Variants in DYNC2I1 observed in about 807,000 individuals in gnomAD.
DYNC2I1 encodes the protein dynein 2 intermediate chain 1, also known as cytoplasmic dynein 2 intermediate chain 1.
A neutral mutation model predicts 133.4 loss-of-function variants in DYNC2I1; 89 were observed. That is an observed-to-expected ratio of 0.67 (90% CI 0.56 to 0.80). The LOEUF is 0.80. DYNC2I1 is among the 30% of genes least tolerant of loss of function. DYNC2I1 has a pLI of 0.00. For synonymous variants in DYNC2I1, 504 were observed against 484.3 expected (o/e 1.04, Z -0.54); for missense variants, 1,291 against 1,314.5 (o/e 0.98, Z 0.28).
In DYNC2I1 at chr7:158,885,430, C is replaced by G. The variant is rs369398099; in HGVS notation, c.935+811C>G. On this transcript the variant is annotated intron_variant, in intron 6 of 24. Transcript: ENST00000407559. ...AATCTCGGCTCACTGCAACCTCCGC[C>G]TCCCAGGTTCAAGCTATTCTTCTGC... 7.6e-4 allele frequency among the ~76,000 whole-genome samples: 115 copies of G among 152,142 alleles called. 3 individuals are homozygous for G. In the South Asian group the frequency reaches 0.023, roughly 31 times the overall value.
chr7:158,877,648 T>G (rs1843491489), intron 4 of DYNC2I1, among the ~76,000 whole-genome samples: 1 of 152,174 alleles, frequency 6.6e-6, no homozygotes, highest in Non-Finnish European at 1.5e-5. Context: ...TAAAAGCAGG[T>G]TTACTGTCTT....
At chr7:158,889,893 C>G (rs1381555254) in intron 7 of DYNC2I1, among the ~76,000 whole-genome samples, 3 of 150,526 alleles carry the variant, frequency 2.0e-5, no homozygotes, top group Non-Finnish European at 2.9e-5. Context: ...TAATCCCAAG[C>G]TACTTGGGAG....
intron 1 of DYNC2I1, among the ~76,000 whole-genome samples, chr7:158,863,107 A>G (rs1014038345): frequency 1.9e-4 from 19 of 97,498 alleles, no homozygotes; most frequent in Non-Finnish European, 3.6e-4. Flanking sequence ...GCAGGTTGCC[A>G]CTGCTGGCTG....
chr7:158,914,259 G>A lies in DYNC2I1; in HGVS notation c.1729G>A (p.Ala577Thr). 6.2e-7 allele frequency: 1 copy of A among 1,612,648 alleles called. No homozygotes were observed. The highest frequency in any genetic ancestry group is 8.5e-7 in the Non-Finnish European group (1 of 1,179,312). The stretch of plus-strand genomic sequence containing the variant: ...CAGTGAACAAAGAGATACCTCTGAT[G>A]CTGTAGTTATGCCAAAGATTGATAC... ...GGSEQRDTSD[A>T]VVMPKIDTPR... Residue 577 changes from alanine to threonine, a missense_variant, in exon 14 of 25, where the codon GCT (alanine) becomes ACT (threonine). Ala to Thr is a moderately conservative substitution (Grantham distance 58, BLOSUM62 0). Transcript: ENST00000407559.
chr7:158,890,899 A>G (rs763573077), intron 7 of DYNC2I1, among the ~76,000 whole-genome samples: 1 of 152,120 alleles, frequency 6.6e-6, no homozygotes, highest in Non-Finnish European at 1.5e-5. Context: ...AAGTGCATAG[A>G]TCTTCCTAGT....
In DYNC2I1 at chr7:158,942,134, G is replaced by A; in HGVS notation, c.2988G>A (p.Gln996=). The A allele has an allele frequency of 1.3e-6, 2 of 1,553,722 alleles. No homozygotes were observed. Among genetic ancestry groups the A allele is most frequent in the Non-Finnish European group, 1.7e-6 (2 of 1,146,494 alleles). Residue 996 remains glutamine, a synonymous_variant, in exon 24 of 25, where the codon CAG becomes CAA. Coordinates refer to ENST00000407559, the MANE Select transcript of DYNC2I1 (RefSeq NM_018051.5). ...QSDLGPVAKQ[Q]VSPNRLVAMA... is the part of the protein sequence containing the mutation. Reference sequence around the variant, plus strand: ...ATCTGGGTCCTGTCGCCAAACAGCAGGTCTCCCCCAACAGGCAAGTGGGGA... The same window carrying A: ...ATCTGGGTCCTGTCGCCAAACAGCAAGTCTCCCCCAACAGGCAAGTGGGGA...
At chr7:158,909,838 G>A (rs921495312) in intron 11 of DYNC2I1, among the ~76,000 whole-genome samples, 2 of 152,208 alleles carry the variant, frequency 1.3e-5, no homozygotes, top group African/African-American at 4.8e-5. Flanking sequence ...GAAAATGGAA[G>A]TTGAGAGCCT....
At chr7:158,951,522 C>T (rs1015046293) in intron 4 of DYNC2I1, among the ~76,000 whole-genome samples, 7 of 152,190 alleles carry the variant, frequency 4.6e-5, no homozygotes, top group South Asian at 2.1e-4. Flanking sequence ...AGAGACTGGG[C>T]GTGTTCCTAC....
intron 11 of DYNC2I1, among the ~76,000 whole-genome samples, chr7:158,909,989 G>A (rs1847232175): frequency 6.6e-6 from 1 of 152,116 alleles, no homozygotes; most frequent in African/African-American, 2.4e-5. Flanking sequence ...CAGACCCGGT[G>A]GCCGAGGCAC....
intron 4 of DYNC2I1, among the ~76,000 whole-genome samples, chr7:158,952,950 C>A (rs1223712828): frequency 6.6e-6 from 1 of 152,232 alleles, no homozygotes. Flanking sequence ...CCAGAGCCCA[C>A]TGCCTCGGGC....
intron 5 of DYNC2I1, among the ~76,000 whole-genome samples, chr7:158,880,873 G>C (rs891287453): frequency 6.6e-6 from 1 of 152,092 alleles, no homozygotes; most frequent in African/African-American, 2.4e-5. Context: ...CCTATTTCTT[G>C]GTGATGCTTC....
downstream of DYNC2I1, among the ~76,000 whole-genome samples, chr7:158,947,749 C>T (rs1851932606): frequency 6.6e-6 from 1 of 152,218 alleles, no homozygotes; most frequent in Non-Finnish European, 1.5e-5. Flanking sequence ...TCATGCTCTG[C>T]CAGTGCCCAG....
At chr7:158,868,310 G>A (rs184657039) in intron 1 of DYNC2I1, among the ~76,000 whole-genome samples, 1 of 152,296 alleles carries the variant, frequency 6.6e-6, no homozygotes, top group East Asian at 1.9e-4. Context: ...GCACAGTGTG[G>A]ATTCTCTAAT....
the DYNC2I1 span, among the ~76,000 whole-genome samples, chr7:158,842,647 T>C: frequency 6.6e-6 from 1 of 152,254 alleles, no homozygotes; most frequent in Non-Finnish European, 1.5e-5. Context: ...TTTTCGCTCA[T>C]GTCAAGTGCT....
At position 158,923,628 on chromosome 7, in the gene DYNC2I1, C is replaced by T. The variant is rs763934400; in HGVS notation, c.2152C>T (p.His718Tyr). The change falls in exon 17 of 25, where the codon CAC becomes TAC. Residue 718 changes from histidine to tyrosine, a missense_variant. Coordinates refer to ENST00000407559, the MANE Select transcript of DYNC2I1 (RefSeq NM_018051.5). ...ATTTTTACTGTTTGCCGGAACAGCG[C>T]ACGGCTCAGTTGTCGTCTGGGATTT... is the stretch of plus-strand genomic sequence containing the variant. ...KAFLLFAGTA[H>Y]GSVVVWDLRE... 6.2e-6 allele frequency: 10 copies of T among 1,613,882 alleles called. No homozygotes were observed. The African/African-American group carries it at 9.3e-5, about 15-fold the overall frequency.
chr7:158,923,028 C>A (rs35585803), intron 16 of DYNC2I1, among the ~76,000 whole-genome samples: 25,663 of 152,002 alleles, frequency 0.17, 2,361 homozygotes, highest in African/African-American at 0.22. Context: ...CTTCTGGAGG[C>A]CTCCCATTCA....
intron 13 of DYNC2I1, among the ~76,000 whole-genome samples, chr7:158,913,789 AC>A (rs1352766315): frequency 6.6e-6 from 1 of 151,956 alleles, no homozygotes; most frequent in African/African-American, 2.4e-5. Flanking sequence ...GCTCACTGTA[AC>A]CTCCGCCTCT....
intron 6 of DYNC2I1, among the ~76,000 whole-genome samples, chr7:158,885,041 C>A (rs1330932955): frequency 6.6e-6 from 1 of 152,086 alleles, no homozygotes; most frequent in Non-Finnish European, 1.5e-5. Context: ...AAAGCAAATC[C>A]GCAGGTGGGC....
chr7:158,915,063 A>G (rs1355406491), intron 14 of DYNC2I1, among the ~76,000 whole-genome samples: 1 of 128,594 alleles, frequency 7.8e-6, no homozygotes, highest in Non-Finnish European at 1.9e-5. Flanking sequence ...GCTAGTTGAG[A>G]TTAAGGATGA....
Sources: allele counts gnomAD v4.1 joint callset (sites outside exome capture counted in the v4.1 genomes callset), GRCh38; gene constraint gnomAD v4.1.1; transcripts MANE v1.5; gene names NCBI Gene and HGNC (gene_info 2026-07-23, HGNC 2026-07-21).